The following LRPPRC variants were observed in gnomAD, a reference collection of about 807,000 sequenced individuals.
LRPPRC encodes the protein leucine rich pentatricopeptide repeat containing.
Under a neutral mutation model 180.3 loss-of-function variants are expected in LRPPRC, and 120 were observed. The ratio of observed to expected loss-of-function variants is 0.67; its 90% CI spans 0.57 to 0.77. The LOEUF (loss-of-function observed/expected upper bound fraction) is 0.77, where lower values mean the gene tolerates loss of function less well. Ranked by LOEUF, LRPPRC falls within the 30% of genes least tolerant of loss-of-function variation. The pLI, the probability that LRPPRC is intolerant of heterozygous loss-of-function variation, is 0.00. For synonymous variants in LRPPRC, 723 were observed against 600.0 expected (o/e 1.21, Z -3.00); for missense variants, 2,012 against 1,657.2 (o/e 1.21, Z -3.72).
intron 23 of LRPPRC, among the ~76,000 whole-genome samples, chr2:43,937,658 G>A (rs1337358979): frequency 6.6e-6 from 1 of 152,172 alleles, no homozygotes; most frequent in Non-Finnish European, 1.5e-5. Flanking sequence ...AAGTGGTGAT[G>A]AAAAGCAAAT....
intron 23 of LRPPRC, among the ~76,000 whole-genome samples, 161 bp downstream of exon 23, chr2:43,943,526 G>A (rs1672565385): frequency 6.6e-6 from 1 of 152,042 alleles, no homozygotes; most frequent in African/African-American, 2.4e-5. Context: ...AGGGCTGCTA[G>A]TGATTTTAAA....
At position 43,973,919 on chromosome 2, in the gene LRPPRC, C is replaced by A; in HGVS notation, c.1156-19G>T. 2 of 1,439,480 alleles carry A rather than the reference C, an allele frequency of 1.4e-6. No individual in the cohort carries two copies. Among genetic ancestry groups the A allele is most frequent in the Non-Finnish European group, 2.0e-6 (2 of 1,021,300 alleles). 89.2% of individuals were successfully genotyped at this position (1,439,480 alleles called of 1,614,324 possible). On this transcript the variant is annotated intron_variant, in intron 9 of 37. Coordinates refer to ENST00000260665, the MANE Select transcript of LRPPRC (RefSeq NM_133259.4). ...CCACAGGCTGTGGGAAAAAAGTCAC[C>A]ACATTAGCTGGATTGGCAAACACCC...
intron 9 of LRPPRC, 93 bp downstream of exon 9, chr2:43,974,057 C>T (rs938695132): frequency 1.5e-6 from 2 of 1,335,664 alleles, no homozygotes; most frequent in African/African-American, 1.4e-5. Context: ...ATGATGTTTA[C>T]AACTGGTCTA....
At chr2:43,901,900 C>A in intron 31 of LRPPRC, 1 of 182,056 alleles carries the variant, frequency 5.5e-6, no homozygotes, top group Non-Finnish European at 1.2e-5. Context: ...TCATACTTGT[C>A]CAGATTTTAA....
intron 1 of LRPPRC, among the ~76,000 whole-genome samples, chr2:43,991,843 C>T (rs1435106955): frequency 6.6e-6 from 1 of 152,200 alleles, no homozygotes; most frequent in Non-Finnish European, 1.5e-5. Context: ...TCCTGGAAAT[C>T]AAGCTCAGGG....
intron 31 of LRPPRC, chr2:43,904,692 C>CAAAAAAAAAAAA (rs775237727): frequency 2.3e-5 from 1 of 43,182 alleles, no homozygotes; most frequent in African/African-American, 1.3e-4. Flanking sequence ...GACCCTATCT[C>CAAAAAAAAAAAA]AAAAAAAACA....
intron 30 of LRPPRC, among the ~76,000 whole-genome samples, chr2:43,907,902 G>C (rs540055856): frequency 6.6e-6 from 1 of 152,214 alleles, no homozygotes; most frequent in East Asian, 1.9e-4. Context: ...GGTTTTAATG[G>C]ATTAATGGAT....
At chr2:43,888,866 T>C (rs560246664) in intron 37 of LRPPRC, among the ~76,000 whole-genome samples, 1 of 150,516 alleles carries the variant, frequency 6.6e-6, no homozygotes, top group African/African-American at 2.4e-5. Flanking sequence ...CAGCAGGAGG[T>C]AGGGTGCGTG....
At chr2:43,967,341 T>A (rs1673603691) in intron 11 of LRPPRC, among the ~76,000 whole-genome samples, 1 of 152,062 alleles carries the variant, frequency 6.6e-6, no homozygotes, top group African/African-American at 2.4e-5. Flanking sequence ...GCTGACAGAG[T>A]GAGACACTGT....
chr2:43,931,460 C>T (rs992153336), intron 25 of LRPPRC, among the ~76,000 whole-genome samples: 1 of 152,190 alleles, frequency 6.6e-6, no homozygotes, highest in Non-Finnish European at 1.5e-5. Context: ...AATAAGAGTT[C>T]TGAGAGGCAG....
intron 23 of LRPPRC, among the ~76,000 whole-genome samples, chr2:43,942,469 G>A (rs1672517646): frequency 6.6e-6 from 1 of 152,148 alleles, no homozygotes. Flanking sequence ...TGCTGAGACT[G>A]TAGAGGTTAA....
At chr2:43,982,030 C>A (rs1197725334) in intron 2 of LRPPRC, among the ~76,000 whole-genome samples, 2 of 152,166 alleles carry the variant, frequency 1.3e-5, no homozygotes, top group African/African-American at 4.8e-5. Context: ...GCCTCAGCCT[C>A]CCAAGTAGTT....
In LRPPRC at chr2:43,963,854, G is replaced by A. The variant is rs561458435; in HGVS notation, c.1370-148C>T. On this transcript the variant is annotated intron_variant, in intron 11 of 37. Coordinates refer to ENST00000260665, the MANE Select transcript of LRPPRC (RefSeq NM_133259.4). ...GTCTAAAAGGCAGAAAAGAAACACT[G>A]TGAGATACAATGATAAAAAAATTAA... is the stretch of plus-strand genomic sequence containing the variant. The A allele has an allele frequency of 2.9e-4, 200 of 687,656 alleles. 1 individual carries two copies. In the South Asian group the frequency reaches 3.2e-3, roughly 11 times the overall value. The allele number at this position is 687,656 out of a possible 1,614,324, so 42.6% of individuals were successfully genotyped here.
At chr2:43,889,474 C>G (rs1670402762) in intron 37 of LRPPRC, among the ~76,000 whole-genome samples, 1 of 152,042 alleles carries the variant, frequency 6.6e-6, no homozygotes. Flanking sequence ...AGAACTGCCC[C>G]AAGGACATTT....
In LRPPRC at chr2:43,949,725, T is replaced by C. The variant is rs374523013; in HGVS notation, c.1678-66A>G. ...AAACAAGAACAAACACAATCTGAAATTGAATTCTTGAAATAATAAAACCTC... is the reference window on the plus strand; with the variant it reads ...AAACAAGAACAAACACAATCTGAAACTGAATTCTTGAAATAATAAAACCTC... On this transcript the variant is annotated intron_variant, in intron 15 of 37. Coordinates refer to ENST00000260665, the MANE Select transcript of LRPPRC (RefSeq NM_133259.4). 544 of 1,062,122 alleles carry C rather than the reference T, an allele frequency of 5.1e-4. 2 individuals are homozygous for C. Among genetic ancestry groups the C allele is most frequent in the South Asian group, 1.9e-3 (144 of 77,202 alleles). The allele number at this position is 1,062,122 out of a possible 1,614,324, so 65.8% of individuals were successfully genotyped here.
chr2:43,886,911 C>G lies in LRPPRC; in HGVS notation c.*1689G>C, dbSNP rs185767322. ...ATCCCAGCACTTTGGGAGGCTGAAG[C>G]GAGCGCAGGGGGAGGATCACTTGGG... is the stretch of plus-strand genomic sequence containing the variant. On this transcript the variant is annotated 3_prime_UTR_variant, in exon 38 of 38. Transcript: ENST00000260665. The G allele has an allele frequency of 3.3e-5, 5 of 152,048 alleles. No homozygotes were observed. The highest frequency in any genetic ancestry group is 7.3e-5 in the Non-Finnish European group (5 of 68,116). The allele number at this position is 152,048 out of a possible 1,614,324, so 9.4% of individuals were successfully genotyped here.
At position 43,886,681 on chromosome 2, in the gene LRPPRC, T is replaced by C. The variant is rs1216481276; in HGVS notation, c.*1919A>G. The C allele has an allele frequency of 1.3e-5, 2 of 152,212 alleles. No individual in the cohort carries two copies. Among genetic ancestry groups the C allele is most frequent in the East Asian group, 3.8e-4 (2 of 5,196 alleles). 9.4% of individuals were successfully genotyped at this position (152,212 alleles called of 1,614,324 possible). ...ACTTCATGCAAATGAGATGGTACTTTCAGTTTCCCCAAAAAGATGACTGCG... is the reference window on the plus strand; with the variant it reads ...ACTTCATGCAAATGAGATGGTACTTCCAGTTTCCCCAAAAAGATGACTGCG... On this transcript the variant is annotated 3_prime_UTR_variant, in exon 38 of 38. Transcript: ENST00000260665.
At position 43,943,706 on chromosome 2, in the gene LRPPRC, C is replaced by T. The variant is rs778023485; in HGVS notation, c.2485G>A (p.Val829Ile). 19 of 1,613,070 alleles carry T rather than the reference C, an allele frequency of 1.2e-5. No individual in the cohort carries two copies. The highest frequency in any genetic ancestry group is 1.6e-5 in the Non-Finnish European group (19 of 1,179,126). Residue 829 changes from valine (V) to isoleucine (I), a missense_variant, in exon 23 of 38, where the codon GTC becomes ATC. Coordinates refer to ENST00000260665, the MANE Select transcript of LRPPRC (RefSeq NM_133259.4). ...EPSTNISFPL[V>I]TVHLEKGDLS... is the part of the protein sequence containing the mutation. Reference sequence around the variant, plus strand: ...ACTTACTTTTCCAAGTGTACAGTGACCAATGGGAAACTTATGTTGGTGGAT... The same window carrying T: ...ACTTACTTTTCCAAGTGTACAGTGATCAATGGGAAACTTATGTTGGTGGAT...
chr2:43,906,176 A>G (rs1182138889), intron 30 of LRPPRC, among the ~76,000 whole-genome samples: 3 of 152,186 alleles, frequency 2.0e-5, no homozygotes, highest in Non-Finnish European at 1.5e-5. Flanking sequence ...TTCTTCCAGA[A>G]ACTAAAATGA....
Sources: allele counts gnomAD v4.1 joint callset (sites outside exome capture counted in the v4.1 genomes callset), GRCh38; gene constraint gnomAD v4.1.1; transcripts MANE v1.5; gene names NCBI Gene and HGNC (gene_info 2026-07-23, HGNC 2026-07-21).